Variants in PLD5 observed in about 807,000 individuals in gnomAD.
PLD5 encodes the protein inactive phospholipase D5.
In PLD5, 36 loss-of-function variants were observed where a neutral mutation model predicts 61.1. That is an observed-to-expected ratio of 0.59 (90% CI 0.45 to 0.78). The LOEUF is 0.78. Among genes scored for constraint, PLD5 ranks in the 30% least tolerant of loss-of-function variants. PLD5 has a pLI of 0.00. For synonymous variants in PLD5, 243 were observed against 242.8 expected, an observed-to-expected ratio of 1.00 and a Z score of -0.01; for missense variants, 515 against 644.4, an observed-to-expected ratio of 0.80 and a Z score of 2.17.
At chr1:242,139,749 T>C (rs138946135) in intron 5 of PLD5, among the ~76,000 whole-genome samples, 1 of 152,172 alleles carries the variant, frequency 6.6e-6, no homozygotes, top group Non-Finnish European at 1.5e-5. Flanking sequence ...GGGAGAGATG[T>C]CCTGTAATTC....
chr1:242,438,107 G>T (rs1666088132), intron 1 of PLD5, among the ~76,000 whole-genome samples: 1 of 152,112 alleles, frequency 6.6e-6, no homozygotes, highest in Non-Finnish European at 1.5e-5. Context: ...GGCATTCGTA[G>T]ATATCCTTGA....
chr1:242,452,553 C>T (rs996350997), intron 1 of PLD5, among the ~76,000 whole-genome samples: 1 of 152,156 alleles, frequency 6.6e-6, no homozygotes, highest in Non-Finnish European at 1.5e-5. Context: ...CGATGACTCA[C>T]GCCTATAATC....
At chr1:242,337,646 G>A (rs987913883) in intron 2 of PLD5, among the ~76,000 whole-genome samples, 1 of 152,120 alleles carries the variant, frequency 6.6e-6, no homozygotes, top group African/African-American at 2.4e-5. Context: ...AAATAAATAA[G>A]CAAGCAAATC....
intron 4 of PLD5, among the ~76,000 whole-genome samples, chr1:242,222,292 G>A (rs893360404): frequency 1.3e-5 from 2 of 152,098 alleles, no homozygotes; most frequent in Non-Finnish European, 2.9e-5. Context: ...TATCTTTCTG[G>A]GGGATGCAAT....
At chr1:242,101,806 A>G (rs1481877568) in intron 8 of PLD5, among the ~76,000 whole-genome samples, 2 of 152,214 alleles carry the variant, frequency 1.3e-5, no homozygotes, top group South Asian at 4.1e-4. Flanking sequence ...GTGATAAACT[A>G]GATGATCAGT....
intron 5 of PLD5, among the ~76,000 whole-genome samples, chr1:242,125,589 GA>G (rs1662721419): frequency 6.6e-6 from 1 of 152,138 alleles, no homozygotes; most frequent in African/African-American, 2.4e-5. Flanking sequence ...TATACAATGT[GA>G]AATTTTGGTC....
At chr1:242,137,867 C>G (rs1323448112) in intron 5 of PLD5, among the ~76,000 whole-genome samples, 1 of 152,070 alleles carries the variant, frequency 6.6e-6, no homozygotes, top group African/African-American at 2.4e-5. Context: ...AGGCCAGATG[C>G]TTTGTTTGCC....
At chr1:242,150,686 A>G (rs1452120366) in intron 5 of PLD5, among the ~76,000 whole-genome samples, 1 of 151,766 alleles carries the variant, frequency 6.6e-6, no homozygotes, top group African/African-American at 2.4e-5. Flanking sequence ...TTTTTAGCCT[A>G]TTTATATTTA....
chr1:242,394,969 TTA>T (rs1491565789), intron 1 of PLD5, among the ~76,000 whole-genome samples: 1 of 60,446 alleles, frequency 1.7e-5, no homozygotes, highest in Non-Finnish European at 3.1e-5. Context: ...ATATATATGA[TTA>T]TATATGAATA....
intron 1 of PLD5, among the ~76,000 whole-genome samples, chr1:242,437,413 C>T (rs1010323180): frequency 1.3e-5 from 2 of 152,080 alleles, no homozygotes; most frequent in Non-Finnish European, 2.9e-5. Context: ...ATTTAGTTTA[C>T]AGGCTGGGCA....
intron 1 of PLD5, among the ~76,000 whole-genome samples, chr1:242,516,612 CT>C: frequency 6.6e-6 from 1 of 152,272 alleles, no homozygotes; most frequent in Non-Finnish European, 1.5e-5. Flanking sequence ...TACAGAGTCA[CT>C]TTTGTCATAA....
intron 1 of PLD5, among the ~76,000 whole-genome samples, chr1:242,415,272 C>G (rs1664757578): frequency 6.6e-6 from 1 of 152,104 alleles, no homozygotes; most frequent in Non-Finnish European, 1.5e-5. Context: ...CCAAGAGTCA[C>G]TGGTTAGAAA....
At chr1:242,197,950 CTT>C (rs1012886492) in intron 5 of PLD5, among the ~76,000 whole-genome samples, 3 of 152,146 alleles carry the variant, frequency 2.0e-5, no homozygotes, top group African/African-American at 7.2e-5. Context: ...TATATATACT[CTT>C]TACCTGCTTA....
intron 5 of PLD5, among the ~76,000 whole-genome samples, chr1:242,159,143 T>C (rs1665628205): frequency 6.6e-6 from 1 of 151,446 alleles, no homozygotes; most frequent in African/African-American, 2.4e-5. Context: ...AAGATGGACA[T>C]CTTGTATAAG....
Position 242,309,325 on chromosome 1 carries a change from C to G in PLD5, c.327-20795G>C, listed in dbSNP as rs55845298. 0.021 allele frequency among the ~76,000 whole-genome samples: 92 copies of G among 4,290 alleles called. 2 individuals are homozygous for G. In the East Asian group the frequency reaches 0.44, roughly 20 times the overall value. The allele number at this position is 4,290 out of a possible 152,430, so 2.8% of individuals were successfully genotyped here. On this transcript the variant is annotated intron_variant, in intron 2 of 9. Coordinates refer to ENST00000536534, the MANE Select transcript of PLD5 (RefSeq NM_001372062.1). ...GCTGATAAAACCCAACAAAACAGAA[C>G]AACAACAACAACAACAAAATAAGGA...
At position 242,346,021 on chromosome 1, in the gene PLD5, C is replaced by T. The variant is rs535715225; in HGVS notation, c.326+2085G>A. Among the ~76,000 whole-genome samples the T allele has an allele frequency of 4.5e-5, 4 of 89,708 alleles. 1 individual carries two copies. The highest frequency in any genetic ancestry group is 8.9e-5 in the African/African-American group (2 of 22,558). 58.9% of individuals were successfully genotyped at this position (89,708 alleles called of 152,430 possible). A position where few individuals can be genotyped will look rare whatever the true frequency, so the allele number is the denominator to read the frequency against. On this transcript the variant is annotated intron_variant, in intron 2 of 9. Transcript: ENST00000536534. ...ATGTTTCAGAAAAGATCTCCCCCCCCCCCATATATACAACCATATATCATA... is the reference window on the plus strand; with the variant it reads ...ATGTTTCAGAAAAGATCTCCCCCCCTCCCATATATACAACCATATATCATA...
At chr1:242,372,868 A>G (rs1218109132) in intron 1 of PLD5, among the ~76,000 whole-genome samples, 2 of 152,274 alleles carry the variant, frequency 1.3e-5, no homozygotes, top group East Asian at 3.9e-4. Flanking sequence ...AATACCATTC[A>G]GGACATAGGC....
chr1:242,236,508 CAG>C lies in PLD5; in HGVS notation c.608-16395_608-16394del, dbSNP rs372594025. Among the ~76,000 whole-genome samples, 50 of 151,736 alleles carry C rather than the reference CAG, an allele frequency of 3.3e-4. No individual in the cohort carries two copies. In the East Asian group the frequency reaches 8.1e-3, roughly 25 times the overall value. ...GAATATAAGCAATTTCTCCCATCTCCAGAATGAATTACTTTTGCTTTTGAAAA... is the reference window on the plus strand; with the variant it reads ...GAATATAAGCAATTTCTCCCATCTCCAATGAATTACTTTTGCTTTTGAAAA... On this transcript the variant is annotated intron_variant, in intron 4 of 9. Transcript: ENST00000536534.
At chr1:242,393,686 A>ATATATGAGTATATATGTGTG (rs1663128519) in intron 1 of PLD5, among the ~76,000 whole-genome samples, 3 of 91,476 alleles carry the variant, frequency 3.3e-5, no homozygotes, top group Admixed American at 1.4e-4. Context: ...ATATATGTGT[A>ATATATGAGTATATATGTGTG]TATATATGAG....
Sources: gnomAD v4.1 joint callset for allele counts (sites outside exome capture counted in the v4.1 genomes callset) on GRCh38, gnomAD v4.1.1 for gene constraint, MANE v1.5 for transcripts, NCBI Gene and HGNC (gene_info 2026-07-23, HGNC 2026-07-21) for gene names.